SCFD1: variants seen among roughly 807,000 people sequenced by gnomAD.
SCFD1 encodes sec1 family domain-containing protein 1.
In SCFD1, 37 loss-of-function variants were observed where a neutral mutation model predicts 103.2. That is an observed-to-expected ratio of 0.36 (90% CI 0.28 to 0.47). SCFD1 has a LOEUF of 0.47. Among genes scored for constraint, SCFD1 ranks in the 20% least tolerant of loss-of-function variants. The pLI is 1.00. For missense variants in SCFD1, 639 were observed against 761.2 expected, an observed-to-expected ratio of 0.84 and a Z score of 1.89; for synonymous variants, 264 against 245.0, an observed-to-expected ratio of 1.08 and a Z score of -0.73.
At chr14:30,640,798 G>A (rs1319229855) in intron 6 of SCFD1, among the ~76,000 whole-genome samples, 2 of 151,932 alleles carry the variant, frequency 1.3e-5, no homozygotes, top group Admixed American at 6.6e-5. Context: ...TTTGTAATGA[G>A]TGTAAAATTT....
intron 14 of SCFD1, chr14:30,682,931 A>T: frequency 2.3e-6 from 1 of 437,030 alleles, no homozygotes; most frequent in Non-Finnish European, 4.0e-6. Context: ...AAAGACAAAA[A>T]CAAAAATAAT....
intron 8 of SCFD1, 71 bp from the exon 9 acceptor site, chr14:30,650,494 A>AG: frequency 2.3e-6 from 2 of 885,262 alleles, no homozygotes; most frequent in Non-Finnish European, 3.6e-6. Flanking sequence ...GAAACTAAAA[A>AG]CACATTTTGA....
At chr14:30,674,487 T>C (rs945117913) in intron 13 of SCFD1, among the ~76,000 whole-genome samples, 2 of 151,826 alleles carry the variant, frequency 1.3e-5, no homozygotes, top group Non-Finnish European at 2.9e-5. Context: ...CTTAAAAAAA[T>C]AAATAAATAA....
intron 11 of SCFD1, among the ~76,000 whole-genome samples, chr14:30,671,956 G>A (rs1221198532): frequency 1.3e-5 from 2 of 150,914 alleles, no homozygotes; most frequent in Non-Finnish European, 1.5e-5. Flanking sequence ...TGAGGTTGCA[G>A]TGAGCCGAGA....
intron 19 of SCFD1, among the ~76,000 whole-genome samples, chr14:30,713,417 AAG>A (rs1892037111): frequency 6.8e-6 from 1 of 146,182 alleles, no homozygotes; most frequent in Non-Finnish European, 1.5e-5. Context: ...AAACATACGA[AAG>A]AGTTGTCTCT....
chr14:30,623,537 G>T lies in SCFD1; in HGVS notation c.61+1138G>T, dbSNP rs200636369. Among the ~76,000 whole-genome samples the T allele has an allele frequency of 3.8e-4, 58 of 152,236 alleles. 1 individual carries two copies. The highest frequency in any genetic ancestry group is 1.2e-4 in the Non-Finnish European group (8 of 68,010). On this transcript the variant is annotated intron_variant, in intron 1 of 24. Transcript: ENST00000458591. ...AAGATTTGGGGCATACCTGCCATTC[G>T]TTGTATATGTTTAAACAAATGGAAG...
intron 15 of SCFD1, among the ~76,000 whole-genome samples, chr14:30,699,028 A>G (rs1381806332): frequency 2.0e-5 from 3 of 152,222 alleles, no homozygotes; most frequent in Admixed American, 6.5e-5. Context: ...GAAGGCTGGT[A>G]GGAACATTAG....
chr14:30,625,654 T>C (rs1470396860), intron 1 of SCFD1, among the ~76,000 whole-genome samples: 1 of 150,192 alleles, frequency 6.7e-6, no homozygotes, highest in Non-Finnish European at 1.5e-5. Context: ...TAGGTATACC[T>C]ATATAGGTAT....
At chr14:30,645,659 T>G (rs1448139264) in intron 7 of SCFD1, among the ~76,000 whole-genome samples, 11 of 152,304 alleles carry the variant, frequency 7.2e-5, no homozygotes, top group Admixed American at 5.2e-4. Context: ...ATGCTGCTGG[T>G]TTTTGTACAT....
chr14:30,662,378 TGGAGCCAATG>T (rs758135411), intron 10 of SCFD1, among the ~76,000 whole-genome samples: 5 of 152,218 alleles, frequency 3.3e-5, no homozygotes, highest in Non-Finnish European at 7.3e-5. Context: ...AAGATGTTGG[TGGAGCCAATG>T]GGTAGTTTCC....
At chr14:30,653,454 A>G (rs755675542) in intron 9 of SCFD1, 35 bp from the exon 10 acceptor site, 8 of 1,338,054 alleles carry the variant, frequency 6.0e-6, no homozygotes. Context: ...ACTGGTATCA[A>G]GAGTTATGTA....
At chr14:30,690,459 C>T (rs370761125) in intron 14 of SCFD1, among the ~76,000 whole-genome samples, 8 of 104,886 alleles carry the variant, frequency 7.6e-5, no homozygotes, top group Admixed American at 2.0e-4. Flanking sequence ...TAGCAATCAG[C>T]GAGATTCCGT....
At position 30,643,318 on chromosome 14, in the gene SCFD1, A is replaced by G. The variant is rs1488813787; in HGVS notation, c.526A>G (p.Ile176Val). ...CTCCTTTTCCTATGTCATTTTAGCC[A>G]TTAACAGGCCAGATATCACAGACAC... ...QNKELVSYRA[I>V]NRPDITDTEM... Residue 176 changes from isoleucine to valine, a missense_variant and splice_region_variant, in exon 7 of 25, where the codon ATT becomes GTT. Transcript: ENST00000458591. 1.2e-6 allele frequency: 2 copies of G among 1,606,612 alleles called. No homozygotes were observed. The highest frequency in any genetic ancestry group is 1.7e-5 in the Admixed American group (1 of 59,998).
At chr14:30,712,959 T>C (rs1891995198) in intron 19 of SCFD1, among the ~76,000 whole-genome samples, 1 of 152,168 alleles carries the variant, frequency 6.6e-6, no homozygotes, top group Non-Finnish European at 1.5e-5. Context: ...TAAAGACACA[T>C]AAGTAACACT....
intron 19 of SCFD1, 128 bp downstream of exon 19, chr14:30,708,193 C>CT (rs1036948527): frequency 4.0e-4 from 250 of 627,744 alleles, no homozygotes; most frequent in Non-Finnish European, 4.6e-4. Context: ...CAAGGAGTTC[C>CT]TTTTTTTTTA....
intron 10 of SCFD1, among the ~76,000 whole-genome samples, chr14:30,665,228 G>T (rs1185055519): frequency 2.6e-5 from 4 of 152,072 alleles, no homozygotes; most frequent in African/African-American, 9.7e-5. Flanking sequence ...AGAGAGTGGG[G>T]GGCAATATTC....
intron 14 of SCFD1, among the ~76,000 whole-genome samples, chr14:30,683,980 T>A (rs1196764698): frequency 6.6e-6 from 1 of 152,188 alleles, no homozygotes; most frequent in East Asian, 1.9e-4. Flanking sequence ...AAATGGGAAT[T>A]ATCGCTAGCA....
chr14:30,628,354 T>C, intron 2 of SCFD1, 75 bp downstream of exon 2: 1 of 910,142 alleles, frequency 1.1e-6, no homozygotes, highest in African/African-American at 1.7e-5. Context: ...GGGAATTTAT[T>C]GTAATATGGA....
intron 10 of SCFD1, among the ~76,000 whole-genome samples, chr14:30,662,602 C>T (rs964999915): frequency 1.3e-5 from 2 of 152,142 alleles, no homozygotes; most frequent in African/African-American, 4.8e-5. Flanking sequence ...CAAAGTACAT[C>T]TGTTGAAACA....
Sources: gnomAD v4.1 joint callset for allele counts (sites outside exome capture counted in the v4.1 genomes callset) on GRCh38, gnomAD v4.1.1 for gene constraint, MANE v1.5 for transcripts, NCBI Gene and HGNC (gene_info 2026-07-23, HGNC 2026-07-21) for gene names.